Variants in SLC2A9 observed in about 807,000 individuals in gnomAD.
SLC2A9 encodes the protein solute carrier family 2 member 9, also known as solute carrier family 2, facilitated glucose transporter member 9.
In SLC2A9, 39 loss-of-function variants were observed where a neutral mutation model predicts 50.6. The ratio of observed to expected loss-of-function variants is 0.77; its 90% confidence interval spans 0.60 to 1.01. The LOEUF (loss-of-function observed/expected upper bound fraction) is 1.01. Among genes scored for constraint, SLC2A9 ranks in the 50% least tolerant of loss-of-function variants. The probability of loss-of-function intolerance (pLI) is 0.00; values close to 1 mark genes in which losing one functional copy is unlikely to be tolerated. For synonymous variants in SLC2A9, 324 were observed against 276.9 expected (o/e 1.17, Z -1.69); for missense variants, 686 against 677.6 (o/e 1.01, Z -0.14).
intron 3 of SLC2A9, among the ~76,000 whole-genome samples, chr4:9,781,333 C>T (rs1316674424): frequency 6.6e-6 from 1 of 152,216 alleles, no homozygotes; most frequent in African/African-American, 2.4e-5. Flanking sequence ...GCTCTTTCCC[C>T]CTCCGGAAGC....
At chr4:10,031,140 T>C (rs1388414169) in intron 1 of SLC2A9, among the ~76,000 whole-genome samples, 2 of 152,192 alleles carry the variant, frequency 1.3e-5, no homozygotes, top group Non-Finnish European at 2.9e-5. Flanking sequence ...CCAGGAATGC[T>C]CAGATGAGCA....
chr4:9,880,382 A>T (rs1373758413), intron 10 of SLC2A9: 2 of 985,498 alleles, frequency 2.0e-6, no homozygotes, highest in African/African-American at 3.5e-5. Context: ...TGGGATTGGG[A>T]GGTGCAGGTG....
At chr4:9,785,738 C>A (rs772767163) in intron 3 of SLC2A9, among the ~76,000 whole-genome samples, 14 of 152,204 alleles carry the variant, frequency 9.2e-5, no homozygotes, top group Non-Finnish European at 1.8e-4. Context: ...CAATCAAATT[C>A]TCTGCTGTCT....
chr4:9,961,459 T>C (rs1383224119), intron 5 of SLC2A9, among the ~76,000 whole-genome samples: 1 of 152,162 alleles, frequency 6.6e-6, no homozygotes, highest in Non-Finnish European at 1.5e-5. Context: ...GGGGAAAGGA[T>C]TCTGTATTTA....
At chr4:9,804,365 T>C (rs565460109) in intron 3 of SLC2A9, among the ~76,000 whole-genome samples, 5 of 152,178 alleles carry the variant, frequency 3.3e-5, no homozygotes, top group Admixed American at 1.3e-4. Context: ...ACAACTTCTT[T>C]AAATGGCCCT....
At position 9,941,922 on chromosome 4, in the gene SLC2A9, C is replaced by T. The variant is rs1445470706; in HGVS notation, c.805G>A (p.Ala269Thr). 1.2e-6 allele frequency: 2 copies of T among 1,614,104 alleles called. No individual in the cohort carries two copies. The highest frequency in any genetic ancestry group is 1.7e-5 in the Admixed American group (1 of 60,010). ...LLLEKHNEARAVKAFQTFLGK... is the reference protein window; with the variant it reads ...LLLEKHNEARTVKAFQTFLGK... ...AGGGAAGGGCCCTCACCTTTCACAGCTCTTGCCTCGTTGTGCTTCTCCAAG... is the reference window on the plus strand; with the variant it reads ...AGGGAAGGGCCCTCACCTTTCACAGTTCTTGCCTCGTTGTGCTTCTCCAAG... Residue 269 changes from alanine (A) to threonine (T), a missense_variant, in exon 6 of 12, where the codon GCT becomes ACT. Coordinates refer to ENST00000264784, the MANE Select transcript of SLC2A9 (RefSeq NM_020041.3).
At chr4:9,876,452 G>A (rs1367304359) in intron 10 of SLC2A9, among the ~76,000 whole-genome samples, 3 of 152,162 alleles carry the variant, frequency 2.0e-5, no homozygotes, top group Non-Finnish European at 4.4e-5. Context: ...AAAGTAGCCA[G>A]GTATGGTGGC....
chr4:9,834,625 G>T (rs112349905), intron 11 of SLC2A9, among the ~76,000 whole-genome samples: 1 of 152,134 alleles, frequency 6.6e-6, no homozygotes, highest in East Asian at 1.9e-4. Context: ...TAACCTAGGA[G>T]TCCTTGCATA....
At chr4:9,970,949 G>GTTCTGT (rs1753813148) in intron 5 of SLC2A9, among the ~76,000 whole-genome samples, 1 of 152,032 alleles carries the variant, frequency 6.6e-6, no homozygotes, top group Non-Finnish European at 1.5e-5. Context: ...CTCCCATTCT[G>GTTCTGT]TTCTGTTTCA....
chr4:9,796,299 C>T (rs1399040568), downstream of SLC2A9, among the ~76,000 whole-genome samples: 1 of 152,178 alleles, frequency 6.6e-6, no homozygotes, highest in East Asian at 1.9e-4. Context: ...CATCCCAAAG[C>T]TGTTTGCCAA....
intron 5 of SLC2A9, among the ~76,000 whole-genome samples, chr4:9,953,802 TG>T (rs1460212115): frequency 4.6e-5 from 7 of 151,962 alleles, no homozygotes; most frequent in Admixed American, 6.6e-5. Flanking sequence ...TTTGTTTGTT[TG>T]TTTGTTTGTT....
chr4:9,805,804 A>G (rs1722046008), intron 3 of SLC2A9, among the ~76,000 whole-genome samples: 1 of 151,788 alleles, frequency 6.6e-6, no homozygotes, highest in Non-Finnish European at 1.5e-5. Flanking sequence ...AATAGCCAAC[A>G]GTTATTGTGT....
At chr4:10,036,545 T>C (rs555281312) in intron 1 of SLC2A9, among the ~76,000 whole-genome samples, 18 of 152,356 alleles carry the variant, frequency 1.2e-4, no homozygotes, top group Admixed American at 9.8e-4. Context: ...TTTGTTGTCC[T>C]GCTTTTTCCA....
At chr4:9,960,885 T>C (rs1752160180) in intron 5 of SLC2A9, among the ~76,000 whole-genome samples, 1 of 152,146 alleles carries the variant, frequency 6.6e-6, no homozygotes, top group Non-Finnish European at 1.5e-5. Context: ...TTCGGGAGCC[T>C]TCAAGGCTAG....
At chr4:9,883,361 C>T (rs564193348) in intron 10 of SLC2A9, among the ~76,000 whole-genome samples, 190 of 152,120 alleles carry the variant, frequency 1.2e-3, no homozygotes, top group Non-Finnish European at 2.4e-3. Flanking sequence ...TGTCGTGGAA[C>T]GAAAACAGCA....
At chr4:9,879,173 A>C (rs948798678) in intron 10 of SLC2A9, 1 of 984,866 alleles carries the variant, frequency 1.0e-6, no homozygotes, top group African/African-American at 1.8e-5. Flanking sequence ...GGGGGTGGGG[A>C]TACACTAGGA....
At chr4:9,878,935 C>T (rs1013089603) in intron 10 of SLC2A9, 4 of 610,742 alleles carry the variant, frequency 6.5e-6, no homozygotes, top group Non-Finnish European at 8.2e-6. Context: ...TGTCAAAATA[C>T]ACACACACAT....
At chr4:9,911,737 C>A (rs760459087) in intron 7 of SLC2A9, among the ~76,000 whole-genome samples, 1 of 152,186 alleles carries the variant, frequency 6.6e-6, no homozygotes, top group Non-Finnish European at 1.5e-5. Context: ...TTTCAGGGTT[C>A]TTGTAAAAAT....
intron 10 of SLC2A9, among the ~76,000 whole-genome samples, chr4:9,851,077 C>A (rs574026794): frequency 6.6e-6 from 1 of 152,302 alleles, no homozygotes; most frequent in South Asian, 2.1e-4. Flanking sequence ...CCACCCCAGG[C>A]AATGCACGTG....
Sources: allele counts gnomAD v4.1 joint callset (sites outside exome capture counted in the v4.1 genomes callset), GRCh38; gene constraint gnomAD v4.1.1; transcripts MANE v1.5; gene names NCBI Gene and HGNC (gene_info 2026-07-23, HGNC 2026-07-21).